Variants in C3orf20 observed in about 807,000 individuals in gnomAD.
C3orf20 encodes the protein uncharacterized protein C3orf20.
Under a neutral mutation model 88.3 loss-of-function variants are expected in C3orf20, and 76 were observed. That is an observed-to-expected ratio of 0.86 (90% CI 0.72 to 1.04). C3orf20 has a LOEUF of 1.04. Among genes scored for constraint, C3orf20 ranks in the 50% least tolerant of loss-of-function variants. The probability of loss-of-function intolerance (pLI) is 0.00; values close to 1 mark genes in which losing one functional copy is unlikely to be tolerated. For missense variants in C3orf20, 1,056 were observed against 1,123.3 expected, an observed-to-expected ratio of 0.94 and a Z score of 0.86; for synonymous variants, 436 against 437.4, an observed-to-expected ratio of 1.00 and a Z score of 0.04.
intron 5 of C3orf20, among the ~76,000 whole-genome samples, chr3:14,700,293 A>ACTACT (rs1301964670): frequency 5.3e-5 from 8 of 152,248 alleles, no homozygotes; most frequent in African/African-American, 1.7e-4. Context: ...TCCTATGGGG[A>ACTACT]GAACAATCAG....
intron 12 of C3orf20, among the ~76,000 whole-genome samples, chr3:14,737,554 G>C (rs1255709821): frequency 1.3e-5 from 2 of 152,210 alleles, no homozygotes; most frequent in Non-Finnish European, 2.9e-5. Context: ...CTGAAGATAT[G>C]CTAATGCACA....
intron 7 of C3orf20, among the ~76,000 whole-genome samples, chr3:14,709,883 G>A (rs2033671994): frequency 6.6e-6 from 1 of 152,180 alleles, no homozygotes. Flanking sequence ...CTCATAGAAT[G>A]AGTTAGGAAG....
chr3:14,756,251 T>C lies in C3orf20; in HGVS notation c.1941-1120T>C, dbSNP rs150322176. 8.6e-5 allele frequency among the ~76,000 whole-genome samples: 13 copies of C among 151,698 alleles called. No homozygotes were observed. The East Asian group carries it at 2.6e-3, about 30-fold the overall frequency. On this transcript the variant is annotated intron_variant, in intron 12 of 16. Coordinates refer to ENST00000253697, the MANE Select transcript of C3orf20 (RefSeq NM_032137.5). Reference sequence around the variant, plus strand: ...GTAGAATCATAGCAGCACTTTCTATTTGGATGGCGCTTATTCCCGTGTAAA... The same window carrying C: ...GTAGAATCATAGCAGCACTTTCTATCTGGATGGCGCTTATTCCCGTGTAAA...
intron 6 of C3orf20, among the ~76,000 whole-genome samples, chr3:14,703,610 C>G (rs2033371846): frequency 6.6e-6 from 1 of 152,226 alleles, no homozygotes; most frequent in Non-Finnish European, 1.5e-5. Flanking sequence ...AGTGGCTTGC[C>G]TCCTGCCCCT....
At position 14,686,401 on chromosome 3, in the gene C3orf20, G is replaced by A. The variant is rs937397031; in HGVS notation, c.625+2019G>A. 4.6e-5 allele frequency among the ~76,000 whole-genome samples: 7 copies of A among 152,226 alleles called. No homozygotes were observed. The South Asian group carries it at 1.2e-3, about 27-fold the overall frequency. On this transcript the variant is annotated intron_variant, in intron 4 of 16. Transcript: ENST00000253697. ...GTAGTTCCATTTTTAAATTTCAGAG[G>A]AACTCCATACTGTTTTCCATAATGG...
At chr3:14,682,385 A>G (rs1057249237) in intron 2 of C3orf20, 54 bp downstream of exon 2, 8 of 246,838 alleles carry the variant, frequency 3.2e-5, no homozygotes, top group Admixed American at 9.8e-5. Context: ...CAGCCCCCCC[A>G]GGGTCCTATA....
At chr3:14,761,720 GA>G in intron 15 of C3orf20, 105 bp downstream of exon 15, 3 of 808,464 alleles carry the variant, frequency 3.7e-6, no homozygotes, top group East Asian at 4.2e-5. Context: ...AGGCGGGGCT[GA>G]AGGGATGGAG....
At chr3:14,770,899 C>T (rs1362358900) in intron 15 of C3orf20, among the ~76,000 whole-genome samples, 4 of 152,174 alleles carry the variant, frequency 2.6e-5, no homozygotes, top group Admixed American at 2.6e-4. Context: ...AGAAACATCC[C>T]GTAACTCAGA....
intron 4 of C3orf20, among the ~76,000 whole-genome samples, chr3:14,687,405 T>C (rs2032490301): frequency 6.6e-6 from 1 of 152,206 alleles, no homozygotes; most frequent in South Asian, 2.1e-4. Flanking sequence ...TGAAGATCTC[T>C]GTTTTAGGGG....
intron 7 of C3orf20, among the ~76,000 whole-genome samples, chr3:14,707,445 T>TTGTGTGTGTGTGTGTGTG (rs36047273): frequency 6.6e-5 from 9 of 136,450 alleles, no homozygotes; most frequent in African/African-American, 2.5e-4. Flanking sequence ...GCATCTTTTC[T>TTGTGTGTGTGTGTGTGTG]TGTGTGTGTG....
At chr3:14,746,457 T>C (rs564777359) in intron 12 of C3orf20, among the ~76,000 whole-genome samples, 1 of 152,368 alleles carries the variant, frequency 6.6e-6, no homozygotes, top group South Asian at 2.1e-4. Context: ...CCAACTGTTT[T>C]TTCCCTGTGG....
chr3:14,677,231 C>T (rs1046209296), intron 1 of C3orf20, among the ~76,000 whole-genome samples: 3 of 152,136 alleles, frequency 2.0e-5, no homozygotes, highest in Non-Finnish European at 4.4e-5. Context: ...AAGTATACAG[C>T]TGTGTATACT....
intron 4 of C3orf20, among the ~76,000 whole-genome samples, chr3:14,685,027 TA>T (rs1219891093): frequency 6.6e-6 from 1 of 151,966 alleles, no homozygotes; most frequent in Non-Finnish European, 1.5e-5. Context: ...AAATTAAAAA[TA>T]AAAAAAGAAA....
intron 12 of C3orf20, among the ~76,000 whole-genome samples, chr3:14,751,802 C>T (rs973019287): frequency 1.3e-5 from 2 of 152,054 alleles, no homozygotes; most frequent in Non-Finnish European, 2.9e-5. Context: ...TCAAGGAGGA[C>T]TACAAACCAC....
rs866534905 is a variant in C3orf20 at position 14,737,340 on chromosome 3, G to A, written c.1940+8652G>A. On this transcript the variant is annotated intron_variant, in intron 12 of 16. Transcript: ENST00000253697. ...AGTACACCTTTTTACTAAGTTTCAT[G>A]TACAGGCATACCTTGGAAATATTGT... Among the ~76,000 whole-genome samples the A allele has an allele frequency of 2.7e-5, 4 of 150,086 alleles. No homozygotes were observed. In the South Asian group the frequency reaches 8.4e-4, roughly 31 times the overall value.
At chr3:14,715,937 A>G (rs2033924311) in intron 9 of C3orf20, among the ~76,000 whole-genome samples, 1 of 152,092 alleles carries the variant, frequency 6.6e-6, no homozygotes, top group African/African-American at 2.4e-5. Context: ...TTATTAAATA[A>G]CAAATAATAA....
At chr3:14,718,286 A>G (rs1371019403) in intron 9 of C3orf20, among the ~76,000 whole-genome samples, 1 of 151,840 alleles carries the variant, frequency 6.6e-6, no homozygotes, top group African/African-American at 2.4e-5. Flanking sequence ...TCTGTCTTCA[A>G]GTTCAGTGAC....
chr3:14,699,271 G>A (rs1237603311), intron 5 of C3orf20, among the ~76,000 whole-genome samples: 1 of 152,224 alleles, frequency 6.6e-6, no homozygotes, highest in South Asian at 2.1e-4. Flanking sequence ...TACATAAGGT[G>A]CAAGACGAAG....
chr3:14,753,108 A>G (rs1559441083), intron 12 of C3orf20, among the ~76,000 whole-genome samples: 1 of 152,198 alleles, frequency 6.6e-6, no homozygotes, highest in African/African-American at 2.4e-5. Flanking sequence ...TCAATAATAG[A>G]CTGGATAAAG....
Sources: gnomAD v4.1 joint callset for allele counts (sites outside exome capture counted in the v4.1 genomes callset) on GRCh38, gnomAD v4.1.1 for gene constraint, MANE v1.5 for transcripts, NCBI Gene and HGNC (gene_info 2026-07-23, HGNC 2026-07-21) for gene names.